The following UHRF1 variants were observed in gnomAD, a reference collection of about 807,000 sequenced individuals.
UHRF1 encodes ubiquitin like with PHD and ring finger domains 1, also known as E3 ubiquitin-protein ligase UHRF1.
In UHRF1, 9 loss-of-function variants were observed where a neutral mutation model predicts 96.5. That is an observed-to-expected ratio of 0.09 (90% CI 0.06 to 0.16). The LOEUF is 0.16. Ranked by LOEUF, UHRF1 falls within the 10% of genes least tolerant of loss-of-function variation. UHRF1 has a pLI of 1.00. For synonymous variants in UHRF1, 455 were observed against 469.9 expected (o/e 0.97, Z 0.41); for missense variants, 626 against 1,131.1 (o/e 0.55, Z 6.40).
chr19:4,933,654 C>T (rs1043772299), intron 5 of UHRF1, among the ~76,000 whole-genome samples: 6 of 152,322 alleles, frequency 3.9e-5, no homozygotes, highest in East Asian at 1.9e-4. Context: ...TTTTTGGCGA[C>T]ATCACTGTTA....
chr19:4,910,865 C>A lies in UHRF1; in HGVS notation c.-10-11C>A. 6.3e-7 allele frequency: 1 copy of A among 1,592,726 alleles called. No homozygotes were observed. Among genetic ancestry groups the A allele is most frequent in the South Asian group, 1.1e-5 (1 of 88,734 alleles). On this transcript the variant is annotated splice_polypyrimidine_tract_variant and intron_variant, in intron 1 of 16. Coordinates refer to ENST00000650932, the MANE Select transcript of UHRF1 (RefSeq NM_001048201.3). ...AAAACTGATGGGGGTTTTTGCTGTC[C>A]CTCCCCTCAGCGCCGACACCATGTG...
At chr19:4,947,863 C>T (rs112313142) in intron 11 of UHRF1, among the ~76,000 whole-genome samples, 64 of 151,442 alleles carry the variant, frequency 4.2e-4, no homozygotes, top group Admixed American at 1.1e-3. Context: ...TTCAGGAGGC[C>T]GAGGCTCGAG....
At chr19:4,908,199 G>C (rs2032110467), upstream of UHRF1, among the ~76,000 whole-genome samples, 1 of 152,286 alleles carries the variant, frequency 6.6e-6, no homozygotes, top group African/African-American at 2.4e-5. Context: ...CCTTTTAGCT[G>C]TGTAAGGCAC....
chr19:4,943,301 C>G (rs1255417805), intron 7 of UHRF1, among the ~76,000 whole-genome samples: 1 of 152,052 alleles, frequency 6.6e-6, no homozygotes, highest in Non-Finnish European at 1.5e-5. Flanking sequence ...TGGGTGAGAC[C>G]TGCGGCCAGC....
At chr19:4,942,023 C>CG (rs1443876377) in intron 7 of UHRF1, 92 bp downstream of exon 7, 1 of 1,306,480 alleles carries the variant, frequency 7.7e-7, no homozygotes, top group South Asian at 2.1e-5. Flanking sequence ...GGGGCAGGCG[C>CG]GGGGGCTCAC....
At chr19:4,931,244 G>A in intron 4 of UHRF1, among the ~76,000 whole-genome samples, 1 of 152,098 alleles carries the variant, frequency 6.6e-6, no homozygotes, top group East Asian at 1.9e-4. Context: ...TGCCAAGTTC[G>A]GGGTCCACAC....
Position 4,909,566 on chromosome 19 carries a change from C to T in UHRF1, c.-100C>T. ...GCGCTCCGGGTCGCACGCAAGTCCG[C>T]GCGGGGTCCGGGCCACGCACGCGGT... On this transcript the variant is annotated 5_prime_UTR_variant, in exon 1 of 17. Coordinates refer to ENST00000650932, the MANE Select transcript of UHRF1 (RefSeq NM_001048201.3). The T allele has an allele frequency of 1.5e-6, 1 of 657,620 alleles. No individual in the cohort carries two copies. Among genetic ancestry groups the T allele is most frequent in the Non-Finnish European group, 2.7e-6 (1 of 365,462 alleles). The allele number at this position is 657,620 out of a possible 1,614,324, so 40.7% of individuals were successfully genotyped here.
chr19:4,907,473 T>A (rs1243121451), upstream of UHRF1, among the ~76,000 whole-genome samples: 1 of 152,072 alleles, frequency 6.6e-6, no homozygotes, highest in Admixed American at 6.6e-5. Flanking sequence ...TTCACCATGT[T>A]GACCAGGCTA....
intron 16 of UHRF1, among the ~76,000 whole-genome samples, chr19:4,957,510 G>A (rs879809330): frequency 9.2e-5 from 14 of 151,958 alleles, no homozygotes; most frequent in Non-Finnish European, 1.3e-4. Context: ...GGGTTTCACC[G>A]TGTTAGCCAG....
intron 7 of UHRF1, among the ~76,000 whole-genome samples, chr19:4,942,342 C>T (rs968697992): frequency 6.6e-6 from 1 of 152,028 alleles, no homozygotes; most frequent in African/African-American, 2.4e-5. Context: ...AGGCGCCCGC[C>T]TCCACGCCTG....
Position 4,954,261 on chromosome 19 carries a change from C to A in UHRF1, c.1819-89C>A. On this transcript the variant is annotated intron_variant, in intron 13 of 16. Coordinates refer to ENST00000650932, the MANE Select transcript of UHRF1 (RefSeq NM_001048201.3). This position sits in a 1 kb window ranked among gnomAD's most constrained non-coding sequence, Gnocchi z 5.9. Reference sequence around the variant, plus strand: ...TTGGGGGTCAGGTGTGTCTGGAAACCCAGACCTGGCAAGGAGGCTGGAAGA... The same window carrying A: ...TTGGGGGTCAGGTGTGTCTGGAAACACAGACCTGGCAAGGAGGCTGGAAGA... 6.5e-7 allele frequency: 1 copy of A among 1,543,386 alleles called. No homozygotes were observed. The highest frequency in any genetic ancestry group is 8.8e-7 in the Non-Finnish European group (1 of 1,141,632).
chr19:4,914,482 T>C (rs1599240029), intron 2 of UHRF1, among the ~76,000 whole-genome samples: 1 of 151,124 alleles, frequency 6.6e-6, no homozygotes, highest in Admixed American at 6.6e-5. Context: ...CAGAACAGAG[T>C]TGGGTCTGTC....
At chr19:4,905,114 T>C (rs1381732313), upstream of UHRF1, among the ~76,000 whole-genome samples, 13 of 137,838 alleles carry the variant, frequency 9.4e-5, no homozygotes, top group Non-Finnish European at 1.7e-4. Flanking sequence ...CTTTCTTTTT[T>C]TTTTTTTTTT....
rs1256752228 is a variant in UHRF1 at position 4,909,611 on chromosome 19, G to A, written c.-55G>A. ...CGCGGTTTCATCGCCATCCCCAGCC[G>A]GGCCACGCGCGCAGGCAGACAAGCT... On this transcript the variant is annotated 5_prime_UTR_variant, in exon 1 of 17. Coordinates refer to ENST00000650932, the MANE Select transcript of UHRF1 (RefSeq NM_001048201.3). The A allele has an allele frequency of 1.6e-6, 1 of 630,150 alleles. No homozygotes were observed. The highest frequency in any genetic ancestry group is 1.7e-5 in the South Asian group (1 of 59,136). The allele number at this position is 630,150 out of a possible 1,614,324, so 39.0% of individuals were successfully genotyped here. A position where few individuals can be genotyped will look rare whatever the true frequency, so the allele number is the denominator to read the frequency against.
At chr19:4,946,737 A>C (rs3865519) in intron 10 of UHRF1, among the ~76,000 whole-genome samples, 6,532 of 151,898 alleles carry the variant, frequency 0.043, 147 homozygotes, top group Middle Eastern at 0.11. Context: ...GCCACGCCAA[A>C]CTAATTTTTG....
intron 5 of UHRF1, among the ~76,000 whole-genome samples, chr19:4,939,255 A>G (rs1032100980): frequency 6.2e-5 from 9 of 144,574 alleles, no homozygotes; most frequent in African/African-American, 2.1e-4. Context: ...TTCGGTAGCA[A>G]TGGGGGTCTG....
chr19:4,923,258 T>A (rs1315885908), intron 2 of UHRF1, among the ~76,000 whole-genome samples: 1 of 152,174 alleles, frequency 6.6e-6, no homozygotes, highest in African/African-American at 2.4e-5. Flanking sequence ...TCCGACCGTC[T>A]GGCCCCCTCC....
intron 5 of UHRF1, among the ~76,000 whole-genome samples, chr19:4,938,304 G>GT (rs2033276697): frequency 6.6e-6 from 1 of 152,052 alleles, no homozygotes; most frequent in Non-Finnish European, 1.5e-5. Flanking sequence ...TACTTTCTGG[G>GT]TTTTGGGGAA....
upstream of UHRF1, among the ~76,000 whole-genome samples, chr19:4,908,584 A>G (rs1483705146): frequency 6.6e-6 from 1 of 151,930 alleles, no homozygotes; most frequent in Non-Finnish European, 1.5e-5. Context: ...CTGTCCTTGG[A>G]GTCTCATCTC....
Sources: allele counts gnomAD v4.1 joint callset (sites outside exome capture counted in the v4.1 genomes callset), GRCh38; gene constraint gnomAD v4.1.1; non-coding constraint Gnocchi (gnomAD v3.1); transcripts MANE v1.5; gene names NCBI Gene and HGNC (gene_info 2026-07-23, HGNC 2026-07-21).